SLC38A10: variants seen among roughly 807,000 people sequenced by gnomAD.
The protein encoded by SLC38A10 is Sodium-coupled neutral amino acid transporter 10.
A neutral mutation model predicts 81.0 loss-of-function variants in SLC38A10; 53 were observed. That is an observed-to-expected ratio of 0.65 (90% CI 0.53 to 0.82). SLC38A10 has a LOEUF of 0.82. SLC38A10 is among the 40% of genes least tolerant of loss of function. The pLI is 0.00. For missense variants in SLC38A10, 1,471 were observed against 1,545.0 expected (o/e 0.95, Z 0.80); for synonymous variants, 665 against 655.3 (o/e 1.01, Z -0.23).
rs750307115 is a variant in SLC38A10, at chr17:81,265,176, T to G, written c.1132-4782A>C. On this transcript the variant is annotated intron_variant, in intron 10 of 15. Coordinates refer to ENST00000374759, the MANE Select transcript of SLC38A10 (RefSeq NM_001037984.3). The surrounding 1 kb of genome is among the most constrained non-coding windows in gnomAD (Gnocchi z 4.2). ...CGAGTGGATCACCTGAGGTCAGGAG[T>G]GTTCAAGACCAGCCTGGCCAACATG... is the stretch of plus-strand genomic sequence containing the variant. 1 of 152,036 alleles carries G rather than the reference T, an allele frequency of 6.6e-6. No individual in the cohort carries two copies. The highest frequency in any genetic ancestry group is 6.6e-5 in the Admixed American group (1 of 15,262). 9.4% of individuals were successfully genotyped at this position (152,036 alleles called of 1,614,324 possible).
chr17:81,277,127 C>A lies in SLC38A10; in HGVS notation c.633G>T (p.Val211=). The part of the protein sequence containing the change: ...FGMSFACQSQ[V]LPTYDSLDEP... ...CATCCAGGCTGTCGTAGGTGGGCAG[C>A]ACCTGGCTGTATAGAAACAGGCCAT... Residue 211 remains valine (V), a synonymous_variant, in exon 7 of 16, where the codon GTG becomes GTT. Coordinates refer to ENST00000374759, the MANE Select transcript of SLC38A10 (RefSeq NM_001037984.3). The surrounding 1 kb of genome is among the most constrained non-coding windows in gnomAD (Gnocchi z 4.5). The A allele has an allele frequency of 6.2e-7, 1 of 1,613,828 alleles. No individual in the cohort carries two copies.
chr17:81,245,743 G>A lies in SLC38A10; in HGVS notation c.3173C>T (p.Pro1058Leu), dbSNP rs1200671845. Reference sequence around the variant, plus strand: ...CGGGGCCAGCTGACCCTCTGCATGAGGGCCAAGGTCCCGCCGTCGCCTCCG... The same window carrying A: ...CGGGGCCAGCTGACCCTCTGCATGAAGGCCAAGGTCCCGCCGTCGCCTCCG... ...DLRRRRRDLG[P>L]HAEGQLAPRD... Residue 1058 changes from proline (P) to leucine (L), a missense_variant, in exon 16 of 16, where the codon CCT becomes CTT. Pro to Leu is a moderately conservative substitution (Grantham distance 98). This residue lies in a region of SLC38A10 where 751 missense variants were observed against 717.4 expected (regional missense o/e 1.05). Transcript: ENST00000374759. The A allele has an allele frequency of 4.4e-6, 7 of 1,595,928 alleles. No individual in the cohort carries two copies. The African/African-American group carries it at 9.4e-5, about 21-fold the overall frequency.
rs1334589574 is a variant in SLC38A10, at chr17:81,247,279, C to G, written c.2066-218G>C. The G allele has an allele frequency of 6.1e-5, 27 of 442,488 alleles. No individual in the cohort carries two copies. The East Asian group carries it at 9.4e-4, about 15-fold the overall frequency. 27.4% of individuals were successfully genotyped at this position (442,488 alleles called of 1,614,324 possible). A position where few individuals can be genotyped will look rare whatever the true frequency, so the allele number is the denominator to read the frequency against. On this transcript the variant is annotated intron_variant, in intron 14 of 15. Transcript: ENST00000374759. Reference sequence around the variant, plus strand: ...GGGCCCGGGAGAGGCTGCGCCCTGACTGCCCCTGGAAGCCCACCCGGGATG... The same window carrying G: ...GGGCCCGGGAGAGGCTGCGCCCTGAGTGCCCCTGGAAGCCCACCCGGGATG...
intron 10 of SLC38A10, among the ~76,000 whole-genome samples, chr17:81,267,432 T>TG (rs1449780343): frequency 6.6e-6 from 1 of 152,162 alleles, no homozygotes; most frequent in East Asian, 1.9e-4. Context: ...AAAATAGTAC[T>TG]GGAGTGTGGA....
chr17:81,260,540 G>C (rs781458356), intron 10 of SLC38A10, 146 bp from the exon 11 acceptor site: 3 of 1,134,760 alleles, frequency 2.6e-6, no homozygotes, highest in Non-Finnish European at 3.6e-6. Context: ...GACGGGACAG[G>C]CGTGCAGTCG....
At chr17:81,272,467 G>T (rs559344640) in intron 9 of SLC38A10, 49 bp downstream of exon 9, 1 of 1,286,208 alleles carries the variant, frequency 7.8e-7, no homozygotes, top group Non-Finnish European at 1.0e-6. Context: ...GGTTGATGCC[G>T]AAGCCCCGGG....
chr17:81,260,322 G>A lies in SLC38A10; in HGVS notation c.1204C>T (p.Pro402Ser), dbSNP rs766619469. The stretch of plus-strand genomic sequence containing the variant: ...GGGGCTTCCTCTGCCAAGTCCTCGG[G>A]GACCTCCTCGCTCACAGACAGTGTG... ...VTTLSVSEEV[P>S]EDLAEEAPGG... The change falls in exon 11 of 16, where the codon CCC becomes TCC. Residue 402 changes from proline to serine, a missense_variant. By Grantham distance (74) the Pro-to-Ser change is moderately conservative. Coordinates refer to ENST00000374759, the MANE Select transcript of SLC38A10 (RefSeq NM_001037984.3). 1.2e-6 allele frequency: 2 copies of A among 1,608,650 alleles called. No individual in the cohort carries two copies. The highest frequency in any genetic ancestry group is 1.7e-5 in the Admixed American group (1 of 59,326).
intron 3 of SLC38A10, among the ~76,000 whole-genome samples, chr17:81,284,649 C>T (rs186610916): frequency 6.6e-6 from 1 of 152,266 alleles, no homozygotes; most frequent in Non-Finnish European, 1.5e-5. Context: ...GACTGTTTAC[C>T]AGGTTCTTGG....
At chr17:81,256,294 G>T (rs951977637) in intron 11 of SLC38A10, among the ~76,000 whole-genome samples, 16 of 152,350 alleles carry the variant, frequency 1.1e-4, no homozygotes, top group African/African-American at 3.8e-4. Context: ...GGACTTGGAG[G>T]TGGTGACCTG....
chr17:81,250,160 G>T, intron 14 of SLC38A10: 1 of 1,260,146 alleles, frequency 7.9e-7, no homozygotes, highest in African/African-American at 1.6e-5. Context: ...GTCTTTTTCA[G>T]AAAGAAGAAA....
rs779370959 is a variant in SLC38A10, at chr17:81,246,646, G to A, written c.2270C>T (p.Ala757Val). Residue 757 changes from alanine to valine, a missense_variant, in exon 16 of 16, where the codon GCG becomes GTG. Around this residue, in one of 2 missense-constraint regions of SLC38A10, gnomAD observed 751 missense variants for 717.4 expected, o/e 1.05. Transcript: ENST00000374759. ...QVEVHQEPGAAVPRGQEAPEG... is the reference protein window; with the variant it reads ...QVEVHQEPGAVVPRGQEAPEG... ...AGGGGCCTCCTGGCCTCTGGGCACC[G>A]CTGCCCCGGGCTCTTGATGCACCTC... 1.2e-4 allele frequency: 182 copies of A among 1,508,452 alleles called. No homozygotes were observed. Among genetic ancestry groups the A allele is most frequent in the Non-Finnish European group, 1.5e-4 (171 of 1,130,724 alleles). 93.4% of individuals were successfully genotyped at this position (1,508,452 alleles called of 1,614,324 possible). A position where few individuals can be genotyped will look rare whatever the true frequency, so the allele number is the denominator to read the frequency against.
chr17:81,250,109 A>T (rs2062896622), intron 14 of SLC38A10: 1 of 1,225,220 alleles, frequency 8.2e-7, no homozygotes. Context: ...CGTCCCGTTG[A>T]GAGGCATACG....
intron 14 of SLC38A10, among the ~76,000 whole-genome samples, chr17:81,248,445 G>A (rs909894710): frequency 1.3e-5 from 2 of 152,260 alleles, no homozygotes; most frequent in African/African-American, 2.4e-5. Flanking sequence ...AGGCCTGCCC[G>A]GGTTACGGCT....
At position 81,253,688 on chromosome 17, in the gene SLC38A10, A is replaced by ACAT. The variant is rs1251775633; in HGVS notation, c.1289-451_1289-449dup. The stretch of plus-strand genomic sequence containing the variant: ...ACCATCATCTCCATCCCTACCACCA[A>ACAT]CATCACCATCATCACCATCACCATC... On this transcript the variant is annotated intron_variant, in intron 11 of 15. Transcript: ENST00000374759. The surrounding 1 kb of genome is among the most constrained non-coding windows in gnomAD (Gnocchi z 4.1). Among the ~76,000 whole-genome samples, 5 of 134,240 alleles carry ACAT rather than the reference A, an allele frequency of 3.7e-5. No homozygotes were observed. The South Asian group carries it at 1.0e-3, about 27-fold the overall frequency. 88.1% of individuals were successfully genotyped at this position (134,240 alleles called of 152,430 possible).
chr17:81,269,608 G>A (rs1459212340), intron 10 of SLC38A10, among the ~76,000 whole-genome samples: 1 of 152,204 alleles, frequency 6.6e-6, no homozygotes, highest in African/African-American at 2.4e-5. Context: ...ATGTCAGTGA[G>A]GCATCCATAG....
At chr17:81,280,514 G>A (rs2063200721) in intron 6 of SLC38A10, 95 bp downstream of exon 6, 63 of 1,538,732 alleles carry the variant, frequency 4.1e-5, no homozygotes, top group Non-Finnish European at 5.5e-5. Context: ...CCAGCAAAGA[G>A]CGATCACAGT....
intron 8 of SLC38A10, 83 bp from the exon 9 acceptor site, chr17:81,272,710 G>T: frequency 3.0e-6 from 3 of 992,032 alleles, no homozygotes; most frequent in South Asian, 1.8e-5. Flanking sequence ...AAAGGGCTCT[G>T]CCAGGCACAC....
chr17:81,273,223 G>A (rs562495538), intron 8 of SLC38A10, among the ~76,000 whole-genome samples: 7 of 152,228 alleles, frequency 4.6e-5, no homozygotes, highest in Admixed American at 6.5e-5. Flanking sequence ...GATCTGCACC[G>A]GGATGCCAGG....
In SLC38A10 at chr17:81,245,000, T is replaced by C. The variant is rs117295100; in HGVS notation, c.*556A>G. 7.8e-3 allele frequency: 1,224 copies of C among 157,828 alleles called. 4 individuals carry two copies. The highest frequency in any genetic ancestry group is 0.034 in the Middle Eastern group (11 of 322). The allele number at this position is 157,828 out of a possible 1,614,324, so 9.8% of individuals were successfully genotyped here. On this transcript the variant is annotated 3_prime_UTR_variant, in exon 16 of 16. Transcript: ENST00000374759. ...GACACCAAACAGCATCCACCGAGGC[T>C]GGGTGAAGGCAAAAGTGTTTATTCA...
Sources: allele counts gnomAD v4.1 joint callset (sites outside exome capture counted in the v4.1 genomes callset), GRCh38; gene constraint gnomAD v4.1.1; regional missense constraint gnomAD v4.1.1; non-coding constraint Gnocchi (gnomAD v3.1); transcripts MANE v1.5; gene names NCBI Gene and HGNC (gene_info 2026-07-23, HGNC 2026-07-21).